Variants in FOXP2 observed in about 807,000 individuals in gnomAD.
FOXP2 encodes forkhead box protein P2.
A neutral mutation model predicts 115.8 loss-of-function variants in FOXP2; 12 were observed. The ratio of observed to expected loss-of-function variants is 0.10; its 90% CI spans 0.07 to 0.17. The LOEUF is 0.17. FOXP2 is among the 10% of genes least tolerant of loss of function. The pLI is 1.00. For missense variants in FOXP2, 629 were observed against 843.5 expected (o/e 0.75, Z 3.15); for synonymous variants, 328 against 297.7 (o/e 1.10, Z -1.05).
chr7:114,608,357 T>A (rs1470793424), intron 3 of FOXP2, among the ~76,000 whole-genome samples: 1 of 152,158 alleles, frequency 6.6e-6, no homozygotes, highest in Non-Finnish European at 1.5e-5. Flanking sequence ...AACTTTTTTT[T>A]ATAGCTAATA....
chr7:114,445,269 C>T (rs1346445403), intron 2 of FOXP2, among the ~76,000 whole-genome samples: 1 of 152,098 alleles, frequency 6.6e-6, no homozygotes, highest in Non-Finnish European at 1.5e-5. Context: ...ATTTGAAGAA[C>T]TGAAGAAGCT....
chr7:114,281,095 A>ATTTTTTTTTTTTTTTTTTTTTTTTTTT (rs71157578), intron 1 of FOXP2, among the ~76,000 whole-genome samples: 2 of 92,858 alleles, frequency 2.2e-5, no homozygotes, highest in Non-Finnish European at 4.0e-5. Flanking sequence ...TGCAATTTGA[A>ATTTTTTTTTTTTTTTTTTTTTTTTTTT]TTTTTTTTTT....
chr7:114,385,520 C>A (rs1360363738), intron 2 of FOXP2, among the ~76,000 whole-genome samples: 1 of 152,160 alleles, frequency 6.6e-6, no homozygotes, highest in Non-Finnish European at 1.5e-5. Context: ...CCCTCGGCTT[C>A]CCCAAGAAAA....
rs1808753319 is a variant in FOXP2 at position 114,693,021 on chromosome 7, A to G, written c.*3095A>G. ...TTTGAAAGAAAACTGTCTACCTCTA[A>G]CACCAGGGAGTTATCAGATTTTATT... On this transcript the variant is annotated 3_prime_UTR_variant, in exon 17 of 17. Transcript: ENST00000350908. 2.2e-6 allele frequency: 1 copy of G among 453,786 alleles called. No homozygotes were observed. The highest frequency in any genetic ancestry group is 4.4e-6 in the Non-Finnish European group (1 of 226,668). The allele number at this position is 453,786 out of a possible 1,614,324, so 28.1% of individuals were successfully genotyped here. A position where few individuals can be genotyped will look rare whatever the true frequency, so the allele number is the denominator to read the frequency against.
At chr7:114,235,947 A>T (rs1584566232) in intron 1 of FOXP2, among the ~76,000 whole-genome samples, 1 of 152,178 alleles carries the variant, frequency 6.6e-6, no homozygotes, top group African/African-American at 2.4e-5. Context: ...AAGTGCTTGT[A>T]TAGGAGTTTA....
chr7:114,382,657 C>A (rs1259772630), intron 2 of FOXP2, among the ~76,000 whole-genome samples: 1 of 151,880 alleles, frequency 6.6e-6, no homozygotes, highest in Non-Finnish European at 1.5e-5. Flanking sequence ...TATAAAAAAC[C>A]GAAGTTGCCA....
At chr7:114,126,707 G>A (rs1470269835) in intron 1 of FOXP2, among the ~76,000 whole-genome samples, 1 of 152,082 alleles carries the variant, frequency 6.6e-6, no homozygotes, top group Non-Finnish European at 1.5e-5. Flanking sequence ...TAACTGGCTT[G>A]GCTTAGATTT....
intron 2 of FOXP2, among the ~76,000 whole-genome samples, chr7:114,427,643 T>C (rs899587248): frequency 4.6e-5 from 7 of 151,584 alleles, no homozygotes; most frequent in African/African-American, 1.7e-4. Context: ...AAAATAATGA[T>C]TATTGAAAAG....
chr7:114,114,054 GAAAAT>G lies in FOXP2; in HGVS notation c.-247+26226_-247+26230del, dbSNP rs1275782110. ...AAACTCTCCAGTGAAATATGAAGTA[GAAAAT>G]AAAATAAAACAAAAATGAAGGAAAA... On this transcript the variant is annotated intron_variant, in intron 1 of 19. Transcript: ENST00000635638. Among the ~76,000 whole-genome samples the G allele has an allele frequency of 4.0e-5, 6 of 151,528 alleles. No homozygotes were observed. The East Asian group carries it at 5.8e-4, about 15-fold the overall frequency.
At chr7:114,154,012 A>G (rs765588787) in intron 1 of FOXP2, among the ~76,000 whole-genome samples, 3 of 152,164 alleles carry the variant, frequency 2.0e-5, no homozygotes, top group Non-Finnish European at 4.4e-5. Flanking sequence ...GTATTTTGTT[A>G]TGATGTTGAC....
chr7:114,381,382 T>G (rs1792288277), intron 2 of FOXP2, among the ~76,000 whole-genome samples: 1 of 152,144 alleles, frequency 6.6e-6, no homozygotes, highest in Non-Finnish European at 1.5e-5. Context: ...TGGCTAAAAT[T>G]AAATCATCCC....
At chr7:114,577,590 C>T (rs1052338795) in intron 3 of FOXP2, among the ~76,000 whole-genome samples, 10 of 151,900 alleles carry the variant, frequency 6.6e-5, no homozygotes, top group African/African-American at 2.4e-4. Flanking sequence ...AATCATGCTC[C>T]TTAGCTCCTT....
chr7:114,520,474 C>T (rs1001812019), intron 2 of FOXP2, among the ~76,000 whole-genome samples: 1 of 152,000 alleles, frequency 6.6e-6, no homozygotes, highest in Non-Finnish European at 1.5e-5. Context: ...GGGAACATTG[C>T]CTCTTTGTCT....
intron 1 of FOXP2, among the ~76,000 whole-genome samples, chr7:114,280,303 C>G (rs564271680): frequency 6.6e-6 from 1 of 151,888 alleles, no homozygotes; most frequent in Non-Finnish European, 1.5e-5. Context: ...AGAATTCATC[C>G]TTTAATTTTA....
At chr7:114,131,003 T>C (rs1367465105) in intron 1 of FOXP2, among the ~76,000 whole-genome samples, 1 of 152,220 alleles carries the variant, frequency 6.6e-6, no homozygotes, top group East Asian at 1.9e-4. Flanking sequence ...TTCGCAGAAA[T>C]GTTTCCATGA....
intron 1 of FOXP2, among the ~76,000 whole-genome samples, chr7:114,093,138 G>C (rs1189018417): frequency 1.3e-5 from 2 of 152,068 alleles, no homozygotes; most frequent in African/African-American, 4.8e-5. Context: ...ATAAGGTCTT[G>C]TTGTTTTTTC....
chr7:114,255,232 G>T (rs1795576413), intron 1 of FOXP2, among the ~76,000 whole-genome samples: 1 of 152,204 alleles, frequency 6.6e-6, no homozygotes, highest in South Asian at 2.1e-4. Flanking sequence ...AGGCTAGTCG[G>T]GGGTCAGGGA....
At chr7:114,201,942 T>A in intron 1 of FOXP2, among the ~76,000 whole-genome samples, 1 of 152,172 alleles carries the variant, frequency 6.6e-6, no homozygotes, top group East Asian at 1.9e-4. Context: ...TTGGTCACAA[T>A]CAAACTGTAA....
chr7:114,370,234 A>G (rs1244499520), intron 2 of FOXP2, among the ~76,000 whole-genome samples: 1 of 152,204 alleles, frequency 6.6e-6, no homozygotes, highest in Non-Finnish European at 1.5e-5. Flanking sequence ...CTGACCCTTC[A>G]GATGTCTTCT....
Sources: allele counts gnomAD v4.1 joint callset (sites outside exome capture counted in the v4.1 genomes callset), GRCh38; gene constraint gnomAD v4.1.1; transcripts MANE v1.5; gene names NCBI Gene and HGNC (gene_info 2026-07-23, HGNC 2026-07-21).